IL19: variants seen among roughly 807,000 people sequenced by gnomAD.
IL19 encodes interleukin 19.
In IL19, 15 loss-of-function variants were observed where a neutral mutation model predicts 19.5. The observed-to-expected ratio is 0.77, with a 90% CI of 0.52 to 1.19. The LOEUF (loss-of-function observed/expected upper bound fraction) is 1.19. IL19 is among the 50% of genes most tolerant of loss of function. The probability of loss-of-function intolerance (pLI) is 0.00; values close to 1 mark genes in which losing one functional copy is unlikely to be tolerated. For missense variants in IL19, 199 were observed against 213.1 expected, an observed-to-expected ratio of 0.93 and a Z score of 0.41; for synonymous variants, 78 against 78.3, an observed-to-expected ratio of 1.00 and a Z score of 0.02.
chr1:206,806,537 G>A (rs1675850150), intron 2 of IL19, among the ~76,000 whole-genome samples: 1 of 152,194 alleles, frequency 6.6e-6, no homozygotes, highest in Non-Finnish European at 1.5e-5. Flanking sequence ...AAGAAGTTGT[G>A]TGACCTGAGA....
At chr1:206,809,130 C>T (rs923363281) in intron 2 of IL19, among the ~76,000 whole-genome samples, 1 of 152,176 alleles carries the variant, frequency 6.6e-6, no homozygotes, top group African/African-American at 2.4e-5. Flanking sequence ...GCCCCCACTG[C>T]TTCACCTAGG....
chr1:206,803,939 A>G (rs992917267), intron 2 of IL19, among the ~76,000 whole-genome samples: 1 of 152,242 alleles, frequency 6.6e-6, no homozygotes, highest in Non-Finnish European at 1.5e-5. Flanking sequence ...TCTAGGAAAT[A>G]GCACTTGGAA....
chr1:206,808,528 C>T (rs1430560639), intron 2 of IL19, among the ~76,000 whole-genome samples: 1 of 126,128 alleles, frequency 7.9e-6, no homozygotes, highest in Non-Finnish European at 1.7e-5. Flanking sequence ...TGTGTGTGCC[C>T]ATGTGCACGC....
chr1:206,790,916 A>C (rs1285271361), intron 1 of IL19, among the ~76,000 whole-genome samples: 1 of 152,220 alleles, frequency 6.6e-6, no homozygotes, highest in Non-Finnish European at 1.5e-5. Context: ...CACAGATTCC[A>C]GAAAGTTGAG....
chr1:206,834,426 G>A lies in IL19; in HGVS notation c.-2-2235G>A, dbSNP rs577873447. 22 of 985,632 alleles carry A rather than the reference G, an allele frequency of 2.2e-5. 1 individual carries two copies. In the East Asian group the frequency reaches 5.6e-4, roughly 25 times the overall value. The allele number at this position is 985,632 out of a possible 1,614,324, so 61.1% of individuals were successfully genotyped here. A position where few individuals can be genotyped will look rare whatever the true frequency, so the allele number is the denominator to read the frequency against. ...GTGAGGCTCACGCTGTCCGTCATCA[G>A]GGGCTCCTATGCACCGCCATCCTAG... On this transcript the variant is annotated intron_variant, in intron 2 of 6. Coordinates refer to ENST00000659997, the MANE Select transcript of IL19 (RefSeq NM_153758.5).
intron 2 of IL19, among the ~76,000 whole-genome samples, chr1:206,818,700 AGTC>A (rs1676222000): frequency 1.3e-5 from 2 of 152,234 alleles, no homozygotes; most frequent in East Asian, 1.9e-4. Flanking sequence ...TACAATAAAA[AGTC>A]AGCCCATTTA....
At chr1:206,782,506 A>C (rs1198656767) in intron 1 of IL19, among the ~76,000 whole-genome samples, 1 of 152,216 alleles carries the variant, frequency 6.6e-6, no homozygotes, top group African/African-American at 2.4e-5. Flanking sequence ...GGATGTACCC[A>C]AAGGGCACCT....
chr1:206,826,480 T>C (rs1676435759), intron 2 of IL19, among the ~76,000 whole-genome samples: 1 of 152,186 alleles, frequency 6.6e-6, no homozygotes, highest in Admixed American at 6.5e-5. Context: ...CAAGATGCAG[T>C]CCTCGTCCCT....
intron 1 of IL19, among the ~76,000 whole-genome samples, chr1:206,798,302 G>A (rs778181083): frequency 1.3e-5 from 2 of 152,160 alleles, no homozygotes; most frequent in African/African-American, 2.4e-5. Flanking sequence ...TGCAGGGGGC[G>A]TGTGCAAGCC....
intron 2 of IL19, among the ~76,000 whole-genome samples, chr1:206,803,257 C>T (rs1218252142): frequency 6.6e-6 from 1 of 152,064 alleles, no homozygotes; most frequent in African/African-American, 2.4e-5. Context: ...ACTTGGGGTG[C>T]CAGGAAGTCG....
At chr1:206,823,418 G>A (rs1005229867) in intron 2 of IL19, among the ~76,000 whole-genome samples, 1 of 151,966 alleles carries the variant, frequency 6.6e-6, no homozygotes, top group Non-Finnish European at 1.5e-5. Context: ...AGCTGGGCGT[G>A]GTGGCGTGCG....
chr1:206,821,846 G>A (rs964637712), intron 2 of IL19, among the ~76,000 whole-genome samples: 14 of 152,302 alleles, frequency 9.2e-5, no homozygotes, highest in African/African-American at 2.4e-4. Context: ...AAGGAAAGCC[G>A]CCCACTGAAA....
At chr1:206,816,368 A>G (rs1676156776) in intron 2 of IL19, among the ~76,000 whole-genome samples, 1 of 152,214 alleles carries the variant, frequency 6.6e-6, no homozygotes, top group South Asian at 2.1e-4. Context: ...TATGAAAATA[A>G]TAGCATAAAA....
At position 206,842,283 on chromosome 1, in the gene IL19, G is replaced by A. The variant is rs372754268; in HGVS notation, c.439-244G>A. On this transcript the variant is annotated intron_variant, in intron 6 of 6. Transcript: ENST00000659997. ...GAGGAAAAAAAAACCTGAGGGAAAA[G>A]AATGAAGAATTTTAAAGTTCTGTTT... is the stretch of plus-strand genomic sequence containing the variant. Among the ~76,000 whole-genome samples, 217 of 152,186 alleles carry A rather than the reference G, an allele frequency of 1.4e-3. 5 individuals are homozygous for A. In the South Asian group the frequency reaches 0.041, roughly 29 times the overall value.
At chr1:206,790,524 A>G (rs1200827906) in intron 1 of IL19, among the ~76,000 whole-genome samples, 1 of 152,208 alleles carries the variant, frequency 6.6e-6, no homozygotes, top group Non-Finnish European at 1.5e-5. Context: ...AACAACGTTG[A>G]GTCTCAGTAT....
Position 206,795,927 on chromosome 1 carries a change from ATGTG to A in IL19, c.-148-2904_-148-2901del, listed in dbSNP as rs71570039. Among the ~76,000 whole-genome samples the A allele has an allele frequency of 5.9e-3, 790 of 133,624 alleles. 3 individuals are homozygous for A. The highest frequency in any genetic ancestry group is 0.018 in the African/African-American group (619 of 34,972). The allele number at this position is 133,624 out of a possible 152,430, so 87.7% of individuals were successfully genotyped here. A position where few individuals can be genotyped will look rare whatever the true frequency, so the allele number is the denominator to read the frequency against. Reference sequence around the variant, plus strand: ...AAACAGAACCAATATAAATATATATATGTGTGTGTGTGTGTGTGTGTGTGTGTGT... The same window carrying A: ...AAACAGAACCAATATAAATATATATATGTGTGTGTGTGTGTGTGTGTGTGT... On this transcript the variant is annotated intron_variant, in intron 1 of 6. Transcript: ENST00000659997.
At position 206,812,797 on chromosome 1, in the gene IL19, A is replaced by G. The variant is rs1676047159; in HGVS notation, c.-3+13791A>G. Among the ~76,000 whole-genome samples, 3 of 152,232 alleles carry G rather than the reference A, an allele frequency of 2.0e-5. No homozygotes were observed. In the South Asian group the frequency reaches 6.2e-4, roughly 31 times the overall value. On this transcript the variant is annotated intron_variant, in intron 2 of 6. Transcript: ENST00000659997. ...TGGCCTCATGACTAGTTAGTTGCTT[A>G]CTGTGTGTATTTGTATATATTAATT... is the stretch of plus-strand genomic sequence containing the variant.
intron 2 of IL19, among the ~76,000 whole-genome samples, chr1:206,823,918 G>A (rs545611448): frequency 6.6e-6 from 1 of 152,288 alleles, no homozygotes; most frequent in East Asian, 1.9e-4. Flanking sequence ...GGGGGTGGAG[G>A]CCCTGCTTCC....
intron 2 of IL19, among the ~76,000 whole-genome samples, chr1:206,826,652 A>G (rs1048537050): frequency 6.6e-6 from 1 of 152,152 alleles, no homozygotes; most frequent in African/African-American, 2.4e-5. Flanking sequence ...CCCAGTACCC[A>G]TGGGAGAAGC....
Sources: gnomAD v4.1 joint callset for allele counts (sites outside exome capture counted in the v4.1 genomes callset) on GRCh38, gnomAD v4.1.1 for gene constraint, MANE v1.5 for transcripts, NCBI Gene and HGNC (gene_info 2026-07-23, HGNC 2026-07-21) for gene names.